DNER: variants seen among roughly 807,000 people sequenced by gnomAD.
DNER encodes delta/notch like EGF repeat containing.
In DNER, 33 loss-of-function variants were observed where a neutral mutation model predicts 78.2. The ratio of observed to expected loss-of-function variants is 0.42; its 90% CI spans 0.32 to 0.56. The LOEUF is 0.56. Among genes scored for constraint, DNER ranks in the 20% least tolerant of loss-of-function variants. The pLI is 0.11. For synonymous variants in DNER, 417 were observed against 384.8 expected (o/e 1.08, Z -0.98); for missense variants, 918 against 975.3 (o/e 0.94, Z 0.78).
At chr2:229,668,370 G>C (rs1699131405) in intron 1 of DNER, among the ~76,000 whole-genome samples, 1 of 147,824 alleles carries the variant, frequency 6.8e-6, no homozygotes, top group African/African-American at 2.5e-5. Flanking sequence ...AATTCAAGCA[G>C]CAGCTCCTAA....
chr2:229,706,215 G>A (rs993337749), intron 1 of DNER, among the ~76,000 whole-genome samples: 5 of 152,076 alleles, frequency 3.3e-5, no homozygotes, highest in Admixed American at 2.6e-4. Flanking sequence ...AAATATTTAG[G>A]AGAGGGTCAG....
chr2:229,524,779 T>A (rs912152133), intron 5 of DNER, among the ~76,000 whole-genome samples: 1 of 152,218 alleles, frequency 6.6e-6, no homozygotes, highest in Non-Finnish European at 1.5e-5. Context: ...GTGAAGCCCT[T>A]GATCCCTTAT....
In DNER at chr2:229,489,170, C is replaced by T. The variant is rs571093840; in HGVS notation, c.1148-11917G>A. 8.5e-5 allele frequency among the ~76,000 whole-genome samples: 13 copies of T among 152,334 alleles called. No homozygotes were observed. The South Asian group carries it at 1.7e-3, about 19-fold the overall frequency. ...GGCCCTGGCTTCGTAAGTATCACAT[C>T]GGCAGCTGTGAGTAAGGCAGCATGG... On this transcript the variant is annotated intron_variant, in intron 6 of 12. Coordinates refer to ENST00000341772, the MANE Select transcript of DNER (RefSeq NM_139072.4).
At chr2:229,361,977 C>T (rs1559330534) in intron 12 of DNER, among the ~76,000 whole-genome samples, 2 of 152,054 alleles carry the variant, frequency 1.3e-5, no homozygotes, top group African/African-American at 2.4e-5. Flanking sequence ...TCATGGCCCA[C>T]GACATGACCA....
At position 229,574,556 on chromosome 2, in the gene DNER, T is replaced by C. The variant is rs1269467539; in HGVS notation, c.847+11302A>G. 2.0e-5 allele frequency among the ~76,000 whole-genome samples: 3 copies of C among 152,282 alleles called. No homozygotes were observed. The East Asian group carries it at 5.8e-4, about 29-fold the overall frequency. On this transcript the variant is annotated intron_variant, in intron 4 of 12. Transcript: ENST00000341772. ...GTATGTCTATATACATGCACTGTCA[T>C]GCAAAGAAAAGGAAATATCACAAAA...
At chr2:229,694,383 C>T (rs1239160191) in intron 1 of DNER, among the ~76,000 whole-genome samples, 1 of 152,242 alleles carries the variant, frequency 6.6e-6, no homozygotes, top group Non-Finnish European at 1.5e-5. Context: ...AAGAGAGCCA[C>T]TGTCCTCCAG....
intron 5 of DNER, among the ~76,000 whole-genome samples, chr2:229,524,537 T>C (rs571733563): frequency 2.0e-5 from 3 of 152,210 alleles, no homozygotes; most frequent in Non-Finnish European, 4.4e-5. Flanking sequence ...AGTTCCTGCA[T>C]GAGTGAGGCA....
chr2:229,555,077 T>C (rs950363853), intron 4 of DNER, among the ~76,000 whole-genome samples: 2 of 151,740 alleles, frequency 1.3e-5, no homozygotes, highest in African/African-American at 2.4e-5. Flanking sequence ...TCAGAGTGAG[T>C]GGAGACATTC....
chr2:229,520,926 C>G (rs1696082415), intron 5 of DNER, among the ~76,000 whole-genome samples: 1 of 152,228 alleles, frequency 6.6e-6, no homozygotes, highest in South Asian at 2.1e-4. Flanking sequence ...TCCAAACAAC[C>G]CTGTCAGCTT....
At chr2:229,392,645 T>C (rs6737970) in intron 10 of DNER, among the ~76,000 whole-genome samples, 2 of 152,038 alleles carry the variant, frequency 1.3e-5, no homozygotes, top group African/African-American at 4.8e-5. Context: ...AGATTTGCAC[T>C]GCCAGAGTGG....
At chr2:229,618,263 G>C (rs1236844532) in intron 1 of DNER, among the ~76,000 whole-genome samples, 2 of 152,290 alleles carry the variant, frequency 1.3e-5, no homozygotes, top group East Asian at 1.9e-4. Context: ...TACACAAAAA[G>C]CTTCATGCTG....
At chr2:229,514,498 C>T (rs1695931109) in intron 5 of DNER, among the ~76,000 whole-genome samples, 1 of 152,214 alleles carries the variant, frequency 6.6e-6, no homozygotes, top group Non-Finnish European at 1.5e-5. Flanking sequence ...TTAGCTCCTA[C>T]AGGAATCATC....
intron 1 of DNER, chr2:229,701,973 C>G (rs180959456): frequency 6.0e-5 from 11 of 183,550 alleles, no homozygotes; most frequent in Admixed American, 1.6e-4. Flanking sequence ...GAAGCATGTT[C>G]GGGAAGAATG....
chr2:229,692,278 T>C (rs1699589556), intron 1 of DNER, among the ~76,000 whole-genome samples: 1 of 152,226 alleles, frequency 6.6e-6, no homozygotes. Flanking sequence ...GATGACAAAA[T>C]TAGATATCAC....
chr2:229,581,704 A>G (rs1021064328), intron 4 of DNER, among the ~76,000 whole-genome samples: 1 of 152,230 alleles, frequency 6.6e-6, no homozygotes, highest in Non-Finnish European at 1.5e-5. Context: ...GCCAAATGTA[A>G]GTATATTCTC....
chr2:229,516,064 A>G (rs1032272337), intron 5 of DNER, among the ~76,000 whole-genome samples: 2 of 152,226 alleles, frequency 1.3e-5, no homozygotes, highest in East Asian at 1.9e-4. Context: ...TGCTTTTGAT[A>G]AAGTAGAACA....
intron 12 of DNER, among the ~76,000 whole-genome samples, chr2:229,366,364 A>G (rs758173573): frequency 3.9e-5 from 6 of 152,214 alleles, no homozygotes; most frequent in Non-Finnish European, 5.9e-5. Context: ...ACCAGAACTT[A>G]CACTCTTTCT....
At chr2:229,705,846 T>C (rs1400225223) in intron 1 of DNER, among the ~76,000 whole-genome samples, 1 of 152,212 alleles carries the variant, frequency 6.6e-6, no homozygotes, top group African/African-American at 2.4e-5. Context: ...GATAAGCCTG[T>C]AGTAACTCAG....
intron 1 of DNER, chr2:229,702,047 G>T: frequency 5.4e-6 from 1 of 184,182 alleles, no homozygotes; most frequent in East Asian, 1.6e-4. Flanking sequence ...ATGTCTTCAG[G>T]AAAAATTTGA....
Sources: gnomAD v4.1 joint callset for allele counts (sites outside exome capture counted in the v4.1 genomes callset) on GRCh38, gnomAD v4.1.1 for gene constraint, MANE v1.5 for transcripts, NCBI Gene and HGNC (gene_info 2026-07-23, HGNC 2026-07-21) for gene names.